HS3ST4: variants seen among roughly 807,000 people sequenced by gnomAD.
The protein encoded by HS3ST4 is heparan sulfate glucosamine 3-O-sulfotransferase 4.
HS3ST4 carries 17 observed loss-of-function variants against 29.2 expected under a neutral mutation model. The observed-to-expected ratio is 0.58, with a 90% confidence interval of 0.40 to 0.87. The LOEUF (loss-of-function observed/expected upper bound fraction) is 0.87, where lower values mean the gene tolerates loss of function less well. Ranked by LOEUF, HS3ST4 falls within the 40% of genes least tolerant of loss-of-function variation. The probability of loss-of-function intolerance (pLI) is 0.00; values close to 1 mark genes in which losing one functional copy is unlikely to be tolerated. For missense variants in HS3ST4, 627 were observed against 634.5 expected (o/e 0.99, Z 0.13); for synonymous variants, 314 against 285.7 (o/e 1.10, Z -1.00).
At chr16:25,978,668 CT>C (rs1968969626) in intron 1 of HS3ST4, among the ~76,000 whole-genome samples, 3 of 152,344 alleles carry the variant, frequency 2.0e-5, no homozygotes, top group Admixed American at 2.0e-4. Flanking sequence ...ATAAAAGTTA[CT>C]GTCTTCTTTA....
intron 1 of HS3ST4, among the ~76,000 whole-genome samples, chr16:25,988,086 T>C (rs1035220099): frequency 6.6e-6 from 1 of 152,196 alleles, no homozygotes; most frequent in East Asian, 1.9e-4. Flanking sequence ...AATTTTAACC[T>C]GTGTCTCCAG....
intron 1 of HS3ST4, among the ~76,000 whole-genome samples, chr16:25,986,136 C>T (rs1408920008): frequency 6.6e-6 from 1 of 152,186 alleles, no homozygotes; most frequent in Non-Finnish European, 1.5e-5. Context: ...ATCACCCAGT[C>T]TCCTTCTAAT....
At chr16:25,873,369 GCCATCCAGTCAT>G (rs1228040124) in intron 1 of HS3ST4, among the ~76,000 whole-genome samples, 1 of 102,496 alleles carries the variant, frequency 9.8e-6, no homozygotes, top group African/African-American at 3.9e-5. Flanking sequence ...CACCTAGCAA[GCCATCCAGTCAT>G]CCATCCATCC....
chr16:26,131,421 G>T (rs1899417332), intron 1 of HS3ST4, among the ~76,000 whole-genome samples: 1 of 152,148 alleles, frequency 6.6e-6, no homozygotes, highest in Non-Finnish European at 1.5e-5. Flanking sequence ...TGTCTTCCTG[G>T]CCCTATTTTC....
Position 25,856,030 on chromosome 16 carries a change from T to G in HS3ST4, c.734+162879T>G, listed in dbSNP as rs528439142. 7.2e-5 allele frequency among the ~76,000 whole-genome samples: 11 copies of G among 152,072 alleles called. No homozygotes were observed. The East Asian group carries it at 2.1e-3, about 30-fold the overall frequency. On this transcript the variant is annotated intron_variant, in intron 1 of 1. Coordinates refer to ENST00000331351, the MANE Select transcript of HS3ST4 (RefSeq NM_006040.3). ...AGAATGCTCTGGGCATACCTGGGTG[T>G]TTTCCACCCTGGATAGGTCTGTTCT...
In HS3ST4 at chr16:25,755,132, C is replaced by T. The variant is rs182768644; in HGVS notation, c.734+61981C>T. 2.5e-3 allele frequency among the ~76,000 whole-genome samples: 377 copies of T among 152,104 alleles called. 2 individuals are homozygous for T. The highest frequency in any genetic ancestry group is 8.7e-3 in the African/African-American group (361 of 41,474). ...TTCATCCTTCCACCCCTCCACCCCTCCACCCACACATCCATTCATTCAACA... is the reference window on the plus strand; with the variant it reads ...TTCATCCTTCCACCCCTCCACCCCTTCACCCACACATCCATTCATTCAACA... On this transcript the variant is annotated intron_variant, in intron 1 of 1. Transcript: ENST00000331351.
At chr16:25,758,961 A>G (rs1185965122) in intron 1 of HS3ST4, among the ~76,000 whole-genome samples, 2 of 90,760 alleles carry the variant, frequency 2.2e-5, no homozygotes, top group African/African-American at 4.4e-5. Context: ...GTCTCAAAAA[A>G]AACAAAAAAC....
chr16:25,895,215 C>A (rs1472485692), intron 1 of HS3ST4, among the ~76,000 whole-genome samples: 1 of 151,890 alleles, frequency 6.6e-6, no homozygotes, highest in African/African-American at 2.4e-5. Context: ...ACCATGCCTA[C>A]AAAGGCCCTA....
intron 1 of HS3ST4, among the ~76,000 whole-genome samples, chr16:25,926,884 T>C (rs1402938500): frequency 6.6e-6 from 1 of 152,130 alleles, no homozygotes; most frequent in African/African-American, 2.4e-5. Context: ...TTTCAGTTCG[T>C]GTTTTGGTTA....
chr16:25,984,456 G>A (rs1969040799), intron 1 of HS3ST4, among the ~76,000 whole-genome samples: 2 of 152,128 alleles, frequency 1.3e-5, no homozygotes, highest in Admixed American at 1.3e-4. Context: ...ACTTGTCTGC[G>A]GCTGACCTTG....
chr16:26,088,147 G>A (rs550455284), intron 1 of HS3ST4, among the ~76,000 whole-genome samples: 7 of 152,162 alleles, frequency 4.6e-5, no homozygotes, highest in South Asian at 2.1e-4. Context: ...ACCCCTGCCC[G>A]GCATGCTATG....
intron 1 of HS3ST4, among the ~76,000 whole-genome samples, chr16:26,002,247 G>T (rs1478428050): frequency 1.3e-5 from 2 of 152,122 alleles, no homozygotes; most frequent in Non-Finnish European, 2.9e-5. Context: ...TTTTATGGAG[G>T]TGGTCATTAA....
chr16:26,089,446 A>T (rs1365286146), intron 1 of HS3ST4, among the ~76,000 whole-genome samples: 1 of 152,152 alleles, frequency 6.6e-6, no homozygotes, highest in Non-Finnish European at 1.5e-5. Flanking sequence ...AGCCGTAGAG[A>T]TTAGGGTGGG....
intron 1 of HS3ST4, among the ~76,000 whole-genome samples, chr16:25,794,742 T>C (rs1337200947): frequency 6.6e-5 from 10 of 152,208 alleles, no homozygotes; most frequent in Admixed American, 5.9e-4. Context: ...TGTATTCTTA[T>C]TGGGAGTTGT....
At chr16:25,867,630 T>C (rs540883593) in intron 1 of HS3ST4, among the ~76,000 whole-genome samples, 124 of 152,208 alleles carry the variant, frequency 8.1e-4, no homozygotes, top group Non-Finnish European at 1.3e-3. Flanking sequence ...CATACAAGGC[T>C]AGTGAGGTAT....
intron 1 of HS3ST4, among the ~76,000 whole-genome samples, chr16:25,875,719 G>A (rs1432142038): frequency 6.6e-6 from 1 of 152,062 alleles, no homozygotes; most frequent in Non-Finnish European, 1.5e-5. Context: ...ATTTCCAGTA[G>A]CCCTAAGTGT....
chr16:25,729,759 A>G (rs1428290688), intron 1 of HS3ST4, among the ~76,000 whole-genome samples: 1 of 152,216 alleles, frequency 6.6e-6, no homozygotes, highest in Non-Finnish European at 1.5e-5. Flanking sequence ...TGCTCGTGGT[A>G]TAATACACAG....
intron 1 of HS3ST4, among the ~76,000 whole-genome samples, chr16:25,870,303 T>C (rs1404601002): frequency 6.6e-6 from 1 of 152,150 alleles, no homozygotes. Flanking sequence ...TAAAATTACC[T>C]GCTGTCTTGG....
At chr16:25,820,930 T>C (rs1380071459) in intron 1 of HS3ST4, among the ~76,000 whole-genome samples, 1 of 152,118 alleles carries the variant, frequency 6.6e-6, no homozygotes, top group African/African-American at 2.4e-5. Context: ...CCAAGTCGAA[T>C]AAGTGGAATT....
Sources: allele counts gnomAD v4.1 joint callset (sites outside exome capture counted in the v4.1 genomes callset), GRCh38; gene constraint gnomAD v4.1.1; transcripts MANE v1.5; gene names NCBI Gene and HGNC (gene_info 2026-07-23, HGNC 2026-07-21).